Variants in HDAC1 observed in about 807,000 individuals in gnomAD.
HDAC1 encodes the protein histone deacetylase 1.
In HDAC1, 18 loss-of-function variants were observed where a neutral mutation model predicts 65.5. That is an observed-to-expected ratio of 0.27 (90% CI 0.19 to 0.41). HDAC1 has a LOEUF of 0.41. HDAC1 is among the 10% of genes least tolerant of loss of function. The probability of loss-of-function intolerance (pLI) is 1.00; values close to 1 mark genes in which losing one functional copy is unlikely to be tolerated. For missense variants in HDAC1, 373 were observed against 625.2 expected, an observed-to-expected ratio of 0.60 and a Z score of 4.30; for synonymous variants, 211 against 227.9, an observed-to-expected ratio of 0.93 and a Z score of 0.67.
intron 3 of HDAC1, among the ~76,000 whole-genome samples, chr1:32,323,799 G>A (rs1170996256): frequency 6.6e-6 from 1 of 152,198 alleles, no homozygotes; most frequent in Non-Finnish European, 1.5e-5. Flanking sequence ...TGTCTGGCGT[G>A]TTGTACGTGC....
At chr1:32,320,251 C>A (rs1012518682) in intron 3 of HDAC1, among the ~76,000 whole-genome samples, 6 of 150,936 alleles carry the variant, frequency 4.0e-5, no homozygotes, top group Admixed American at 2.0e-4. Context: ...CACACACACA[C>A]AAAAACATCC....
chr1:32,329,160 G>A lies in HDAC1; in HGVS notation c.729G>A (p.Pro243=), dbSNP rs754656322. Residue 243 remains proline (P), a splice_region_variant and synonymous_variant, in exon 7 of 14, where the codon CCG becomes CCA. Transcript: ENST00000373548. This position sits in a 1 kb window ranked among gnomAD's most constrained non-coding sequence, Gnocchi z 4.1. Reference sequence around the variant, plus strand: ...AGTCCTATGAGGCCATTTTCAAGCCGGTAAGTGGCTTTATCCACCCCTTGG... The same window carrying A: ...AGTCCTATGAGGCCATTTTCAAGCCAGTAAGTGGCTTTATCCACCCCTTGG... The part of the protein sequence containing the change: ...DDESYEAIFK[P]VMSKVMEMFQ... 6.9e-6 allele frequency: 11 copies of A among 1,591,714 alleles called. No homozygotes were observed. The highest frequency in any genetic ancestry group is 9.5e-6 in the Non-Finnish European group (11 of 1,159,554).
chr1:32,297,956 A>T (rs1259499346), intron 1 of HDAC1, among the ~76,000 whole-genome samples: 1 of 150,386 alleles, frequency 6.6e-6, no homozygotes, highest in East Asian at 2.0e-4. Flanking sequence ...CACCTGGCCA[A>T]TTTTTTGTAT....
At chr1:32,315,510 G>A (rs1032952833) in intron 2 of HDAC1, among the ~76,000 whole-genome samples, 6 of 150,882 alleles carry the variant, frequency 4.0e-5, no homozygotes, top group African/African-American at 1.5e-4. Flanking sequence ...ATGCCACCAC[G>A]TCCAGCTAAT....
chr1:32,292,501 G>A, intron 1 of HDAC1: 1 of 919,342 alleles, frequency 1.1e-6, no homozygotes, highest in Non-Finnish European at 1.3e-6. Context: ...ACTCCTAGAG[G>A]GGAGGGTGCG....
At chr1:32,312,081 A>G (rs1640999285) in intron 2 of HDAC1, among the ~76,000 whole-genome samples, 1 of 152,126 alleles carries the variant, frequency 6.6e-6, no homozygotes, top group African/African-American at 2.4e-5. Flanking sequence ...CCTGGGCTCA[A>G]GTGATCCTTA....
chr1:32,322,667 T>G (rs891605966), intron 3 of HDAC1, among the ~76,000 whole-genome samples: 6 of 152,218 alleles, frequency 3.9e-5, no homozygotes, highest in Non-Finnish European at 2.9e-5. Flanking sequence ...CTGTTTTCAT[T>G]TCATTTGCCT....
At position 32,292,103 on chromosome 1, in the gene HDAC1, C is replaced by T. The variant is rs1456965092; in HGVS notation, c.-67C>T. 1.5e-5 allele frequency: 22 copies of T among 1,489,868 alleles called. No homozygotes were observed. Among genetic ancestry groups the T allele is most frequent in the Non-Finnish European group, 1.7e-5 (19 of 1,095,922 alleles). 92.3% of individuals were successfully genotyped at this position (1,489,868 alleles called of 1,614,324 possible). On this transcript the variant is annotated 5_prime_UTR_variant, in exon 1 of 14. The change creates a new upstream start codon in the 5' untranslated region. Transcript: ENST00000373548. ...CCCGCCCCCTCCCCCCTGGGTCGGA[C>T]GCTGAGCGGAGCCGCGGGCGGGAGG...
chr1:32,295,909 G>T (rs138303900), intron 1 of HDAC1, among the ~76,000 whole-genome samples: 60 of 152,170 alleles, frequency 3.9e-4, no homozygotes, highest in African/African-American at 1.3e-3. Context: ...AATTTTAATT[G>T]TAGTAAATTT....
chr1:32,312,595 A>AAGTG (rs1336134569), intron 2 of HDAC1, among the ~76,000 whole-genome samples: 5 of 152,142 alleles, frequency 3.3e-5, no homozygotes, highest in African/African-American at 1.2e-4. Flanking sequence ...TCCTGACTTC[A>AAGTG]AGTGATCTGC....
rs367710446 is a variant in HDAC1 at position 32,330,895 on chromosome 1, G to A, written c.966G>A (p.Thr322=). 8.7e-5 allele frequency: 140 copies of A among 1,614,124 alleles called. No homozygotes were observed. The highest frequency in any genetic ancestry group is 1.1e-4 in the Non-Finnish European group (124 of 1,180,000). Residue 322 remains threonine (T), a synonymous_variant, in exon 9 of 14, where the codon ACG becomes ACA. Coordinates refer to ENST00000373548, the MANE Select transcript of HDAC1 (RefSeq NM_004964.3). This position sits in a 1 kb window ranked among gnomAD's most constrained non-coding sequence, Gnocchi z 4.2. Reference sequence around the variant, plus strand: ...ATGAGACAGCTGTGGCCCTGGATACGGAGATCCCTAATGGTAATAGCTGCA... The same window carrying A: ...ATGAGACAGCTGTGGCCCTGGATACAGAGATCCCTAATGGTAATAGCTGCA... ...WTYETAVALD[T]EIPNELPYND...
rs1641289100 is a variant in HDAC1 at position 32,331,360 on chromosome 1, CTGTT to C, written c.980-111_980-108del. Reference sequence around the variant, plus strand: ...CACAGTGTCTTGGAGGCATTCTCCTCTGTTTGGATAAATAGGCCCAGAGAAACCT... The same window carrying C: ...CACAGTGTCTTGGAGGCATTCTCCTCTGGATAAATAGGCCCAGAGAAACCT... On this transcript the variant is annotated intron_variant, in intron 9 of 13. Coordinates refer to ENST00000373548, the MANE Select transcript of HDAC1 (RefSeq NM_004964.3). The surrounding 1 kb of genome is among the most constrained non-coding windows in gnomAD (Gnocchi z 4.2). The C allele has an allele frequency of 4.4e-6, 3 of 674,906 alleles. No homozygotes were observed. The highest frequency in any genetic ancestry group is 1.8e-5 in the South Asian group (1 of 56,934). The allele number at this position is 674,906 out of a possible 1,614,324, so 41.8% of individuals were successfully genotyped here.
In HDAC1 at chr1:32,301,418, C is replaced by G. The variant is rs147610177; in HGVS notation, c.50-1203C>G. On this transcript the variant is annotated intron_variant, in intron 1 of 13. Transcript: ENST00000373548. ...CTGAGATCGCGCCACTGCACTCCAG[C>G]CTGGGCAACACAGCGAGACTCTGTC... 4.1e-3 allele frequency among the ~76,000 whole-genome samples: 620 copies of G among 150,922 alleles called. 6 individuals carry two copies. Among genetic ancestry groups the G allele is most frequent in the African/African-American group, 0.014 (585 of 41,104 alleles).
intron 1 of HDAC1, among the ~76,000 whole-genome samples, chr1:32,296,399 C>G (rs1361251023): frequency 6.6e-6 from 1 of 152,146 alleles, no homozygotes; most frequent in Non-Finnish European, 1.5e-5. Flanking sequence ...GGGCCTCACT[C>G]TGTCACTCAG....
At chr1:32,301,051 G>A (rs1397897037) in intron 1 of HDAC1, among the ~76,000 whole-genome samples, 1 of 152,174 alleles carries the variant, frequency 6.6e-6, no homozygotes, top group Non-Finnish European at 1.5e-5. Context: ...CAAAGAGAGA[G>A]AGAGAGTGAG....
At chr1:32,297,992 T>C (rs1361785080) in intron 1 of HDAC1, among the ~76,000 whole-genome samples, 3 of 151,676 alleles carry the variant, frequency 2.0e-5, no homozygotes, top group South Asian at 2.1e-4. Context: ...GGTTTCACCG[T>C]GTTAGCCAGG....
At chr1:32,300,389 T>C (rs1388609061) in intron 1 of HDAC1, among the ~76,000 whole-genome samples, 1 of 151,884 alleles carries the variant, frequency 6.6e-6, no homozygotes, top group Non-Finnish European at 1.5e-5. Context: ...AAACCCCACC[T>C]CTACTAAATA....
chr1:32,330,491 G>A lies in HDAC1; in HGVS notation c.730-87G>A, dbSNP rs1442124482. 4.6e-6 allele frequency: 4 copies of A among 860,340 alleles called. No homozygotes were observed. Among genetic ancestry groups the A allele is most frequent in the Non-Finnish European group, 8.0e-6 (4 of 500,810 alleles). 53.3% of individuals were successfully genotyped at this position (860,340 alleles called of 1,614,324 possible). A position where few individuals can be genotyped will look rare whatever the true frequency, so the allele number is the denominator to read the frequency against. ...GAGGGAGAGTGGAAAGGTAGGAGTG[G>A]GTGGGAAAGTGTTGCACCCAGCCTT... On this transcript the variant is annotated intron_variant, in intron 7 of 13. Coordinates refer to ENST00000373548, the MANE Select transcript of HDAC1 (RefSeq NM_004964.3). The surrounding 1 kb of genome is among the most constrained non-coding windows in gnomAD (Gnocchi z 4.2).
intron 3 of HDAC1, among the ~76,000 whole-genome samples, chr1:32,323,848 CTTGT>C (rs1280394376): frequency 6.6e-6 from 1 of 152,190 alleles, no homozygotes; most frequent in Admixed American, 6.5e-5. Flanking sequence ...GTTCTTGCCC[CTTGT>C]TTGTCAGCTG....
Sources: allele counts gnomAD v4.1 joint callset (sites outside exome capture counted in the v4.1 genomes callset), GRCh38; gene constraint gnomAD v4.1.1; non-coding constraint Gnocchi (gnomAD v3.1); transcripts MANE v1.5; gene names NCBI Gene and HGNC (gene_info 2026-07-23, HGNC 2026-07-21).